KCNQ1: variants seen among roughly 807,000 people sequenced by gnomAD.
KCNQ1 encodes potassium voltage-gated channel subfamily Q member 1, also known as potassium voltage-gated channel subfamily KQT member 1.
KCNQ1 carries 49 observed loss-of-function variants against 72.4 expected under a neutral mutation model. The observed-to-expected ratio is 0.68, with a 90% CI of 0.54 to 0.86. The LOEUF (loss-of-function observed/expected upper bound fraction) is 0.86, where lower values mean the gene tolerates loss of function less well. KCNQ1 is among the 40% of genes least tolerant of loss of function. The pLI is 0.00. For synonymous variants in KCNQ1, 450 were observed against 412.6 expected (o/e 1.09, Z -1.10); for missense variants, 790 against 945.1 (o/e 0.84, Z 2.15).
In KCNQ1 at chr11:2,507,747, C is replaced by T. The variant is rs930600216; in HGVS notation, c.387-20181C>T. Reference sequence around the variant, plus strand: ...GGTGTCAGTGTGTAAATGACATGAGCGCAGGGGCTAGACAGGGCCTCCTGT... The same window carrying T: ...GGTGTCAGTGTGTAAATGACATGAGTGCAGGGGCTAGACAGGGCCTCCTGT... On this transcript the variant is annotated intron_variant, in intron 1 of 15. Transcript: ENST00000155840. The surrounding 1 kb of genome is among the most constrained non-coding windows in gnomAD (Gnocchi z 5.4). Among the ~76,000 whole-genome samples the T allele has an allele frequency of 1.3e-4, 20 of 151,888 alleles. No homozygotes were observed. Among genetic ancestry groups the T allele is most frequent in the African/African-American group, 4.1e-4 (17 of 41,334 alleles).
At chr11:2,721,829 C>T (rs999853869) in intron 11 of KCNQ1, among the ~76,000 whole-genome samples, 6 of 152,234 alleles carry the variant, frequency 3.9e-5, no homozygotes, top group Admixed American at 1.3e-4. Context: ...AGCTGTCTGT[C>T]CATCCATCCA....
intron 15 of KCNQ1, among the ~76,000 whole-genome samples, chr11:2,805,632 C>T (rs906577733): frequency 1.3e-5 from 2 of 152,212 alleles, no homozygotes; most frequent in South Asian, 2.1e-4. Context: ...TAACAGAGAT[C>T]GTGTGACCAA....
intron 2 of KCNQ1, among the ~76,000 whole-genome samples, chr11:2,542,629 C>G (rs1847846602): frequency 1.3e-5 from 2 of 152,208 alleles, no homozygotes; most frequent in African/African-American, 4.8e-5. Flanking sequence ...CTGCTCCTGG[C>G]TCCGGAGGGG....
chr11:2,537,592 G>A lies in KCNQ1; in HGVS notation c.477+9574G>A, dbSNP rs1207795512. ...GATTTAATCTCAGGCTTGTCAGAAC[G>A]AGCAGCTCCCAGGCACCCTCTGCCA... On this transcript the variant is annotated intron_variant, in intron 2 of 15. Transcript: ENST00000155840. This position sits in a 1 kb window ranked among gnomAD's most constrained non-coding sequence, Gnocchi z 5.2. 3.3e-5 allele frequency among the ~76,000 whole-genome samples: 5 copies of A among 152,044 alleles called. No individual in the cohort carries two copies. Among genetic ancestry groups the A allele is most frequent in the South Asian group, 4.1e-4 (2 of 4,836 alleles).
At chr11:2,581,992 G>C (rs1390796136) in intron 6 of KCNQ1, among the ~76,000 whole-genome samples, 1 of 152,208 alleles carries the variant, frequency 6.6e-6, no homozygotes, top group Non-Finnish European at 1.5e-5. Flanking sequence ...GGCCATAAGC[G>C]AACGTGCGGT....
Position 2,808,777 on chromosome 11 carries a change from C to T in KCNQ1, c.1794+30740C>T, listed in dbSNP as rs1012758731. 5.3e-5 allele frequency among the ~76,000 whole-genome samples: 8 copies of T among 152,036 alleles called. No individual in the cohort carries two copies. Among genetic ancestry groups the T allele is most frequent in the Non-Finnish European group, 4.4e-5 (3 of 68,032 alleles). On this transcript the variant is annotated intron_variant, in intron 15 of 15. Coordinates refer to ENST00000155840, the MANE Select transcript of KCNQ1 (RefSeq NM_000218.3). This position sits in a 1 kb window ranked among gnomAD's most constrained non-coding sequence, Gnocchi z 6.0. ...GGAGAGCAGCATTCCAGACGCTTCT[C>T]TGTATGTTGCATAGAAAAAGGATGG...
intron 15 of KCNQ1, among the ~76,000 whole-genome samples, chr11:2,832,481 C>G (rs1847972476): frequency 6.6e-6 from 1 of 152,212 alleles, no homozygotes. Context: ...CAGACGGGCT[C>G]TGCGACTCCA....
Position 2,510,564 on chromosome 11 carries a change from C to T in KCNQ1, c.387-17364C>T, listed in dbSNP as rs528694618. Among the ~76,000 whole-genome samples the T allele has an allele frequency of 1.1e-4, 17 of 152,352 alleles. 1 individual carries two copies. In the South Asian group the frequency reaches 3.5e-3, roughly 32 times the overall value. Reference sequence around the variant, plus strand: ...GAGGTTGCAGTGAGCTCAGATTGTGCCACTGCACTCCAGTCTGGGTGTCAG... The same window carrying T: ...GAGGTTGCAGTGAGCTCAGATTGTGTCACTGCACTCCAGTCTGGGTGTCAG... On this transcript the variant is annotated intron_variant, in intron 1 of 15. Coordinates refer to ENST00000155840, the MANE Select transcript of KCNQ1 (RefSeq NM_000218.3).
rs527492084 is a variant in KCNQ1, at chr11:2,466,269, G to T, written c.386+20785G>T. ...AGAGTGGAGAAGCGATCTCCAAAGG[G>T]GAGGTGACACATGGCTGAGCCCCGC... On this transcript the variant is annotated intron_variant, in intron 1 of 15. Coordinates refer to ENST00000155840, the MANE Select transcript of KCNQ1 (RefSeq NM_000218.3). Among the ~76,000 whole-genome samples, 191 of 152,308 alleles carry T rather than the reference G, an allele frequency of 1.3e-3. 1 individual carries two copies. The highest frequency in any genetic ancestry group is 4.5e-3 in the African/African-American group (188 of 41,564).
rs1849593683 is a variant in KCNQ1 at position 2,642,418 on chromosome 11, A to AT, written c.1394-19542dup. On this transcript the variant is annotated intron_variant, in intron 10 of 15. Coordinates refer to ENST00000155840, the MANE Select transcript of KCNQ1 (RefSeq NM_000218.3). The surrounding 1 kb of genome is among the most constrained non-coding windows in gnomAD (Gnocchi z 4.3). ...CTTTCTCAGCTGGTTCTTTATTGGT[A>AT]TATAGAAATAAGCCTGATTTTTAAA... 2.5e-6 allele frequency: 1 copy of AT among 397,870 alleles called. No homozygotes were observed. The highest frequency in any genetic ancestry group is 4.4e-6 in the Non-Finnish European group (1 of 225,726). 24.6% of individuals were successfully genotyped at this position (397,870 alleles called of 1,614,324 possible).
chr11:2,526,869 T>A lies in KCNQ1; in HGVS notation c.387-1059T>A, dbSNP rs1301863459. ...GGCACCCTATGCCAGGCAGAGGATC[T>A]ATGCCGGGGCCCCCAGGGTCTGTGT... On this transcript the variant is annotated intron_variant, in intron 1 of 15. Coordinates refer to ENST00000155840, the MANE Select transcript of KCNQ1 (RefSeq NM_000218.3). This position sits in a 1 kb window ranked among gnomAD's most constrained non-coding sequence, Gnocchi z 6.1. Among the ~76,000 whole-genome samples, 1 of 152,094 alleles carries A rather than the reference T, an allele frequency of 6.6e-6. No individual in the cohort carries two copies. Among genetic ancestry groups the A allele is most frequent in the Non-Finnish European group, 1.5e-5 (1 of 68,002 alleles).
At chr11:2,823,310 A>G (rs1847776092) in intron 15 of KCNQ1, among the ~76,000 whole-genome samples, 1 of 152,232 alleles carries the variant, frequency 6.6e-6, no homozygotes, top group African/African-American at 2.4e-5. Flanking sequence ...AAAATTCTAT[A>G]CCTAGCCAAA....
In KCNQ1 at chr11:2,566,233, C is replaced by T. The variant is rs546720924; in HGVS notation, c.478-4395C>T. 1.3e-5 allele frequency among the ~76,000 whole-genome samples: 2 copies of T among 152,352 alleles called. No individual in the cohort carries two copies. Among genetic ancestry groups the T allele is most frequent in the South Asian group, 2.1e-4 (1 of 4,832 alleles). ...CAAGGGTCCTCCAGCCTTTGGCCTG[C>T]ACCCACTCATCTGGCAGTAACAGGG... On this transcript the variant is annotated intron_variant, in intron 2 of 15. Coordinates refer to ENST00000155840, the MANE Select transcript of KCNQ1 (RefSeq NM_000218.3). The surrounding 1 kb of genome is among the most constrained non-coding windows in gnomAD (Gnocchi z 6.7).
At position 2,803,579 on chromosome 11, in the gene KCNQ1, G is replaced by A. The variant is rs1054879823; in HGVS notation, c.1794+25542G>A. Among the ~76,000 whole-genome samples the A allele has an allele frequency of 5.3e-5, 8 of 152,066 alleles. No homozygotes were observed. The highest frequency in any genetic ancestry group is 8.8e-5 in the Non-Finnish European group (6 of 67,986). On this transcript the variant is annotated intron_variant, in intron 15 of 15. Transcript: ENST00000155840. This position sits in a 1 kb window ranked among gnomAD's most constrained non-coding sequence, Gnocchi z 6.4. ...GGGTGATGGGGCTTCAGTGGAGCCC[G>A]CCAGGACTGGGGACACAAGCCTAGG...
At chr11:2,571,920 G>A in intron 4 of KCNQ1, 93 bp from the exon 5 acceptor site, 5 of 1,031,994 alleles carry the variant, frequency 4.8e-6, no homozygotes, top group Middle Eastern at 2.0e-4. Context: ...AGGGGCAGGG[G>A]CAGGGACACC....
rs907235469 is a variant in KCNQ1 at position 2,746,503 on chromosome 11, A to T, written c.1515-22341A>T. Among the ~76,000 whole-genome samples the T allele has an allele frequency of 2.0e-5, 3 of 152,050 alleles. No homozygotes were observed. The highest frequency in any genetic ancestry group is 6.6e-5 in the Admixed American group (1 of 15,264). On this transcript the variant is annotated intron_variant, in intron 11 of 15. Coordinates refer to ENST00000155840, the MANE Select transcript of KCNQ1 (RefSeq NM_000218.3). The surrounding 1 kb of genome is among the most constrained non-coding windows in gnomAD (Gnocchi z 5.9). Reference sequence around the variant, plus strand: ...CTCCTCTGGGCGGTGACTGTTTCCCAGGCTCTCCTTGTTGGTGGTGACCTG... The same window carrying T: ...CTCCTCTGGGCGGTGACTGTTTCCCTGGCTCTCCTTGTTGGTGGTGACCTG...
rs981706568 is a variant in KCNQ1, at chr11:2,645,671, A to G, written c.1394-16290A>G. On this transcript the variant is annotated intron_variant, in intron 10 of 15. Coordinates refer to ENST00000155840, the MANE Select transcript of KCNQ1 (RefSeq NM_000218.3). This position sits in a 1 kb window ranked among gnomAD's most constrained non-coding sequence, Gnocchi z 5.8. ...CTTCGGAGGTAGCAGAGTATTGCCA[A>G]TGGCTCATGCTTTGGCCTGGAGGGA... 2.5e-6 allele frequency: 1 copy of G among 398,638 alleles called. No individual in the cohort carries two copies. Among genetic ancestry groups the G allele is most frequent in the Non-Finnish European group, 4.4e-6 (1 of 226,194 alleles). The allele number at this position is 398,638 out of a possible 1,614,324, so 24.7% of individuals were successfully genotyped here.
At position 2,495,146 on chromosome 11, in the gene KCNQ1, C is replaced by G. The variant is rs1332408432; in HGVS notation, c.387-32782C>G. Among the ~76,000 whole-genome samples, 5 of 152,160 alleles carry G rather than the reference C, an allele frequency of 3.3e-5. No homozygotes were observed. In the East Asian group the frequency reaches 9.6e-4, roughly 29 times the overall value. On this transcript the variant is annotated intron_variant, in intron 1 of 15. Coordinates refer to ENST00000155840, the MANE Select transcript of KCNQ1 (RefSeq NM_000218.3). This position sits in a 1 kb window ranked among gnomAD's most constrained non-coding sequence, Gnocchi z 4.6. Reference sequence around the variant, plus strand: ...TGCATGGAGGTGTTTTTAGTATTCTCTGATGGTAGTTTGTATTTCTGTGGG... The same window carrying G: ...TGCATGGAGGTGTTTTTAGTATTCTGTGATGGTAGTTTGTATTTCTGTGGG...
At chr11:2,688,297 C>G in intron 11 of KCNQ1, 1 of 398,742 alleles carries the variant, frequency 2.5e-6, no homozygotes, top group East Asian at 3.6e-5. Context: ...AAAATGAAGA[C>G]TCTGGAAAAT....
Sources: gnomAD v4.1 joint callset for allele counts (sites outside exome capture counted in the v4.1 genomes callset) on GRCh38, gnomAD v4.1.1 for gene constraint, Gnocchi (gnomAD v3.1) non-coding constraint, MANE v1.5 for transcripts, NCBI Gene and HGNC (gene_info 2026-07-23, HGNC 2026-07-21) for gene names.